EVL: variants seen among roughly 807,000 people sequenced by gnomAD.
The protein encoded by EVL is ena/VASP-like protein.
EVL carries 21 observed loss-of-function variants against 59.6 expected under a neutral mutation model. The ratio of observed to expected loss-of-function variants is 0.35; its 90% CI spans 0.25 to 0.51. EVL has a LOEUF of 0.51. Ranked by LOEUF, EVL falls within the 20% of genes least tolerant of loss-of-function variation. The pLI, the probability that EVL is intolerant of heterozygous loss-of-function variation, is 0.97. For synonymous variants in EVL, 198 were observed against 203.5 expected (o/e 0.97, Z 0.23); for missense variants, 462 against 546.6 (o/e 0.85, Z 1.54).
At chr14:100,112,378 T>A (rs533861647) in intron 3 of EVL, among the ~76,000 whole-genome samples, 1 of 152,256 alleles carries the variant, frequency 6.6e-6, no homozygotes, top group Admixed American at 6.5e-5. Context: ...CCCACTCTGA[T>A]CCATTCCCCG....
exon 1 of EVL, chr14:99,971,449 G>A (rs971959625): frequency 2.6e-5 from 4 of 151,698 alleles, no homozygotes; most frequent in South Asian, 2.1e-4. Flanking sequence ...AGGCGCGGAC[G>A]GTGGGGCCCC....
At chr14:100,009,512 G>GT (rs982416051) in intron 1 of EVL, among the ~76,000 whole-genome samples, 2 of 152,036 alleles carry the variant, frequency 1.3e-5, no homozygotes, top group African/African-American at 4.8e-5. Context: ...CATTCTTTCT[G>GT]TTTTTTTAGT....
intron 1 of EVL, among the ~76,000 whole-genome samples, chr14:100,029,781 T>C (rs2061280827): frequency 6.6e-6 from 1 of 152,148 alleles, no homozygotes; most frequent in African/African-American, 2.4e-5. Context: ...CTCTTAGCCA[T>C]GCTTTAGCTG....
rs181505694 is a variant in EVL at position 100,036,617 on chromosome 14, A to T, written c.6-48070A>T. ...TGTTCATGTCTGTTACTTGCAGCTTAAAAAATCCTGAATAATGCAAAACTG... is the reference window on the plus strand; with the variant it reads ...TGTTCATGTCTGTTACTTGCAGCTTTAAAAATCCTGAATAATGCAAAACTG... On this transcript the variant is annotated intron_variant, in intron 1 of 13. Coordinates refer to the EVL transcript ENST00000402714. 2.0e-3 allele frequency among the ~76,000 whole-genome samples: 303 copies of T among 152,282 alleles called. 2 individuals carry two copies. Among genetic ancestry groups the T allele is most frequent in the Non-Finnish European group, 3.4e-3 (232 of 68,022 alleles).
intron 3 of EVL, among the ~76,000 whole-genome samples, chr14:100,110,705 C>T (rs1886916267): frequency 6.6e-6 from 1 of 152,224 alleles, no homozygotes; most frequent in Non-Finnish European, 1.5e-5. Flanking sequence ...GAGCATCCCA[C>T]CTGCATCCTG....
At chr14:99,983,595 A>G (rs188560222) in intron 1 of EVL, among the ~76,000 whole-genome samples, 6 of 152,172 alleles carry the variant, frequency 3.9e-5, no homozygotes, top group Middle Eastern at 3.4e-3. Context: ...AGCACTCTCA[A>G]CCATTCTCTG....
At chr14:100,095,594 A>C (rs1595169405) in intron 2 of EVL, among the ~76,000 whole-genome samples, 1 of 152,226 alleles carries the variant, frequency 6.6e-6, no homozygotes, top group African/African-American at 2.4e-5. Context: ...CTGTGTGTGC[A>C]TGTGAATCTA....
intron 2 of EVL, among the ~76,000 whole-genome samples, chr14:100,091,546 G>C (rs1328050634): frequency 1.3e-5 from 2 of 152,186 alleles, no homozygotes; most frequent in Non-Finnish European, 1.5e-5. Flanking sequence ...CCTGGAGGGG[G>C]GGCAGGCCTA....
Position 100,132,229 on chromosome 14 carries a change from T to TGAG in EVL, c.840-489_840-487dup, listed in dbSNP as rs202118315. Among the ~76,000 whole-genome samples, 740 of 150,084 alleles carry TGAG rather than the reference T, an allele frequency of 4.9e-3. 5 individuals are homozygous for TGAG. Among genetic ancestry groups the TGAG allele is most frequent in the African/African-American group, 0.016 (662 of 40,710 alleles). ...TCCTCTTCTGAGCATTTCCAGGCTC[T>TGAG]GAGTGGCATTCTAGATTGGGGAGGG... On this transcript the variant is annotated intron_variant, in intron 7 of 13. Coordinates refer to ENST00000392920, the MANE Select transcript of EVL (RefSeq NM_016337.3).
At chr14:100,005,499 G>T (rs911553965) in intron 1 of EVL, among the ~76,000 whole-genome samples, 2 of 151,810 alleles carry the variant, frequency 1.3e-5, no homozygotes, top group African/African-American at 4.8e-5. Flanking sequence ...TGCATCAGAG[G>T]GTGCAAGAGA....
chr14:99,985,453 C>T (rs895531179), intron 1 of EVL, among the ~76,000 whole-genome samples: 1 of 151,958 alleles, frequency 6.6e-6, no homozygotes, highest in Non-Finnish European at 1.5e-5. Context: ...TTCAGTAAGT[C>T]TTGCCTTTTC....
chr14:100,123,622 G>T lies in EVL; in HGVS notation c.422+20G>T. 6.2e-7 allele frequency: 1 copy of T among 1,613,622 alleles called. No homozygotes were observed. Among genetic ancestry groups the T allele is most frequent in the South Asian group, 1.1e-5 (1 of 90,996 alleles). ...GAGAAGGTAACCCAGCACCCGCAGGGGCCAGGCTGGTCATCTCCCAATCAG... is the reference window on the plus strand; with the variant it reads ...GAGAAGGTAACCCAGCACCCGCAGGTGCCAGGCTGGTCATCTCCCAATCAG... On this transcript the variant is annotated intron_variant, in intron 4 of 13. Coordinates refer to ENST00000392920, the MANE Select transcript of EVL (RefSeq NM_016337.3).
chr14:100,090,432 T>C (rs2062540596), intron 2 of EVL, among the ~76,000 whole-genome samples: 1 of 152,226 alleles, frequency 6.6e-6, no homozygotes, highest in Admixed American at 6.5e-5. Flanking sequence ...AAAGCCTGCT[T>C]CCTATAATGT....
intron 2 of EVL, among the ~76,000 whole-genome samples, chr14:100,095,118 A>G (rs1440048199): frequency 6.6e-6 from 1 of 152,250 alleles, no homozygotes; most frequent in Non-Finnish European, 1.5e-5. Flanking sequence ...ATAGGGTTCT[A>G]AATTTCATTT....
At position 99,991,053 on chromosome 14, in the gene EVL, CA is replaced by C. The variant is rs1194471796; in HGVS notation, c.5+18998del. Among the ~76,000 whole-genome samples, 18 of 152,072 alleles carry C rather than the reference CA, an allele frequency of 1.2e-4. No homozygotes were observed. In the East Asian group the frequency reaches 3.1e-3, roughly 26 times the overall value. On this transcript the variant is annotated intron_variant, in intron 1 of 13. Coordinates refer to the EVL transcript ENST00000402714. ...GGAAAAATTTTTTGGAGATTTGTGA[CA>C]ATTTGAAAGAAACTTGGAGATGAAC... is the stretch of plus-strand genomic sequence containing the variant.
At chr14:100,060,649 G>A (rs1465798054), upstream of EVL, among the ~76,000 whole-genome samples, 1 of 152,082 alleles carries the variant, frequency 6.6e-6, no homozygotes, top group Non-Finnish European at 1.5e-5. Flanking sequence ...ACGTGTAATT[G>A]GAGTGCCAGA....
intron 1 of EVL, among the ~76,000 whole-genome samples, chr14:100,078,295 A>G (rs1347180892): frequency 1.3e-5 from 2 of 152,132 alleles, no homozygotes; most frequent in Admixed American, 1.3e-4. Context: ...ACTTGACATA[A>G]AAGATAAGTA....
intron 1 of EVL, among the ~76,000 whole-genome samples, chr14:99,977,692 C>T (rs376986429): frequency 6.6e-6 from 1 of 152,044 alleles, no homozygotes; most frequent in Non-Finnish European, 1.5e-5. Flanking sequence ...CCTCGGCCCC[C>T]CAAAGTGCTG....
chr14:99,972,294 T>G lies in EVL; in HGVS notation c.5+237T>G, dbSNP rs759450739. Among the ~76,000 whole-genome samples, 184 of 152,002 alleles carry G rather than the reference T, an allele frequency of 1.2e-3. 1 individual carries two copies. The highest frequency in any genetic ancestry group is 8.2e-4 in the Non-Finnish European group (56 of 67,968). On this transcript the variant is annotated intron_variant, in intron 1 of 13. Transcript: ENST00000402714. The surrounding 1 kb of genome is among the most constrained non-coding windows in gnomAD (Gnocchi z 4.4). ...TCTGCAGGGCTTGTGGGGGGCAGTG[T>G]TCTGCAAGGGGCAGGCGGCGCTGGC... is the stretch of plus-strand genomic sequence containing the variant.
Sources: gnomAD v4.1 joint callset for allele counts (sites outside exome capture counted in the v4.1 genomes callset) on GRCh38, gnomAD v4.1.1 for gene constraint, Gnocchi (gnomAD v3.1) non-coding constraint, MANE v1.5 for transcripts, NCBI Gene and HGNC (gene_info 2026-07-23, HGNC 2026-07-21) for gene names.